MAGI1: variants seen among roughly 807,000 people sequenced by gnomAD.
The protein encoded by MAGI1 is membrane-associated guanylate kinase, WW and PDZ domain-containing protein 1.
A neutral mutation model predicts 139.9 loss-of-function variants in MAGI1; 58 were observed. The ratio of observed to expected loss-of-function variants is 0.41; its 90% CI spans 0.34 to 0.52. The LOEUF (loss-of-function observed/expected upper bound fraction) is 0.52. Among genes scored for constraint, MAGI1 ranks in the 20% least tolerant of loss-of-function variants. MAGI1 has a pLI of 0.12. For synonymous variants in MAGI1, 812 were observed against 737.9 expected (o/e 1.10, Z -1.63); for missense variants, 1,874 against 1,901.6 (o/e 0.99, Z 0.27).
chr3:65,932,964 T>C (rs758817565), intron 1 of MAGI1, among the ~76,000 whole-genome samples: 4 of 152,176 alleles, frequency 2.6e-5, no homozygotes, highest in Non-Finnish European at 5.9e-5. Context: ...CTTTTCAAAG[T>C]TTAAATCTTG....
intron 2 of MAGI1, among the ~76,000 whole-genome samples, chr3:65,505,811 G>A (rs1195404248): frequency 1.3e-5 from 2 of 151,944 alleles, no homozygotes; most frequent in African/African-American, 2.4e-5. Flanking sequence ...ATATTATTAT[G>A]TATAAATTGT....
At chr3:65,700,738 C>T (rs1371934670) in intron 1 of MAGI1, among the ~76,000 whole-genome samples, 1 of 152,132 alleles carries the variant, frequency 6.6e-6, no homozygotes, top group Non-Finnish European at 1.5e-5. Context: ...ATAAGAAACC[C>T]TCAAAGGATA....
At chr3:65,757,458 C>A (rs558125023) in intron 1 of MAGI1, among the ~76,000 whole-genome samples, 1 of 152,148 alleles carries the variant, frequency 6.6e-6, no homozygotes, top group Non-Finnish European at 1.5e-5. Context: ...GCCAACATGG[C>A]GAAATCCCAT....
At chr3:65,498,910 C>T in intron 2 of MAGI1, 1 of 664,756 alleles carries the variant, frequency 1.5e-6, no homozygotes, top group Non-Finnish European at 1.9e-6. Flanking sequence ...CTGGTCAGTA[C>T]AGCTCTCAAC....
chr3:65,574,035 G>A (rs1410674744), intron 2 of MAGI1, among the ~76,000 whole-genome samples: 1 of 151,800 alleles, frequency 6.6e-6, no homozygotes, highest in African/African-American at 2.4e-5. Context: ...CCTGATCTAT[G>A]TAGAAAATCT....
chr3:65,959,411 C>T (rs2064296309), intron 1 of MAGI1, among the ~76,000 whole-genome samples: 2 of 152,196 alleles, frequency 1.3e-5, no homozygotes, highest in South Asian at 4.2e-4. Context: ...CAGGGCAAGG[C>T]ACTATGTCTG....
At chr3:65,903,338 G>A (rs1278395679) in intron 1 of MAGI1, among the ~76,000 whole-genome samples, 1 of 152,098 alleles carries the variant, frequency 6.6e-6, no homozygotes, top group African/African-American at 2.4e-5. Flanking sequence ...CTTGGACTAG[G>A]AGTCCTGGGT....
intron 1 of MAGI1, among the ~76,000 whole-genome samples, chr3:65,760,739 G>A (rs1008927381): frequency 4.6e-5 from 7 of 151,992 alleles, no homozygotes; most frequent in African/African-American, 9.7e-5. Context: ...TGGTCAGGCC[G>A]CAAAGCCTCT....
At chr3:65,975,092 TA>T (rs35610967) in intron 1 of MAGI1, among the ~76,000 whole-genome samples, 20,130 of 147,212 alleles carry the variant, frequency 0.14, 1,525 homozygotes, top group East Asian at 0.26. Flanking sequence ...AATAGCTATT[TA>T]AAAAAAAAAA....
At chr3:65,412,003 A>G (rs1945833842) in intron 12 of MAGI1, among the ~76,000 whole-genome samples, 1 of 152,320 alleles carries the variant, frequency 6.6e-6, no homozygotes, top group East Asian at 1.9e-4. Context: ...CACCGAGGCC[A>G]GAGACAACTT....
intron 1 of MAGI1, among the ~76,000 whole-genome samples, chr3:65,757,695 T>C (rs975828447): frequency 2.6e-5 from 4 of 152,178 alleles, no homozygotes; most frequent in Non-Finnish European, 4.4e-5. Context: ...TAAACCATCT[T>C]CTCAGAAGTG....
intron 2 of MAGI1, among the ~76,000 whole-genome samples, chr3:65,597,051 C>T (rs1292381195): frequency 6.6e-6 from 1 of 152,094 alleles, no homozygotes. Context: ...CCGCGCTGCC[C>T]GGGGAAGCAG....
chr3:65,631,110 G>A (rs1210312470), intron 1 of MAGI1, among the ~76,000 whole-genome samples: 2 of 152,238 alleles, frequency 1.3e-5, no homozygotes, highest in African/African-American at 4.8e-5. Context: ...AAGTCCTGAA[G>A]TAGCCTAGAC....
intron 1 of MAGI1, among the ~76,000 whole-genome samples, chr3:65,936,271 C>T (rs755191096): frequency 6.6e-6 from 1 of 152,116 alleles, no homozygotes; most frequent in Non-Finnish European, 1.5e-5. Flanking sequence ...GAACTGACTG[C>T]AAAATACAAA....
chr3:65,621,069 G>A lies in MAGI1; in HGVS notation c.430+903C>T, dbSNP rs566713978. On this transcript the variant is annotated intron_variant, in intron 2 of 22. Coordinates refer to ENST00000402939, the MANE Select transcript of MAGI1 (RefSeq NM_001033057.2). ...GCAAACAAATCATAGAAATAAACACGATACCTGGAACATTAAATTATTCTT... is the reference window on the plus strand; with the variant it reads ...GCAAACAAATCATAGAAATAAACACAATACCTGGAACATTAAATTATTCTT... 2.6e-5 allele frequency among the ~76,000 whole-genome samples: 4 copies of A among 151,840 alleles called. No homozygotes were observed. In the South Asian group the frequency reaches 6.2e-4, roughly 24 times the overall value.
intron 1 of MAGI1, among the ~76,000 whole-genome samples, chr3:65,887,993 A>C (rs2060597683): frequency 6.6e-6 from 1 of 152,200 alleles, no homozygotes; most frequent in Non-Finnish European, 1.5e-5. Flanking sequence ...AGTTGATATT[A>C]GTTCAATATG....
At chr3:65,801,110 T>A (rs796682537) in intron 1 of MAGI1, among the ~76,000 whole-genome samples, 9 of 152,338 alleles carry the variant, frequency 5.9e-5, no homozygotes, top group African/African-American at 2.2e-4. Context: ...AGATAAAGAA[T>A]AATTTCAGGT....
At chr3:65,585,143 G>C (rs1185688404) in intron 2 of MAGI1, among the ~76,000 whole-genome samples, 20 of 152,202 alleles carry the variant, frequency 1.3e-4, no homozygotes, top group Non-Finnish European at 1.5e-5. Flanking sequence ...GAGGTCAAAT[G>C]ATTTGCCAGG....
intron 10 of MAGI1, among the ~76,000 whole-genome samples, chr3:65,435,879 G>T (rs1029534269): frequency 6.6e-6 from 1 of 152,042 alleles, no homozygotes; most frequent in South Asian, 2.1e-4. Context: ...GCTCAGAAGC[G>T]GTTCACAGTT....
Sources: gnomAD v4.1 joint callset for allele counts (sites outside exome capture counted in the v4.1 genomes callset) on GRCh38, gnomAD v4.1.1 for gene constraint, MANE v1.5 for transcripts, NCBI Gene and HGNC (gene_info 2026-07-23, HGNC 2026-07-21) for gene names.